The following MYCBP2 variants were observed in gnomAD, a reference collection of about 807,000 sequenced individuals.
MYCBP2 encodes E3 ubiquitin-protein ligase MYCBP2.
In MYCBP2, 120 loss-of-function variants were observed where a neutral mutation model predicts 525.3. The ratio of observed to expected loss-of-function variants is 0.23; its 90% CI spans 0.20 to 0.27. The LOEUF is 0.27. Ranked by LOEUF, MYCBP2 falls within the 10% of genes least tolerant of loss-of-function variation. MYCBP2 has a pLI of 1.00. For missense variants in MYCBP2, 4,149 were observed against 5,657.1 expected, an observed-to-expected ratio of 0.73 and a Z score of 8.55; for synonymous variants, 1,894 against 1,955.8, an observed-to-expected ratio of 0.97 and a Z score of 0.83.
intron 15 of MYCBP2, among the ~76,000 whole-genome samples, chr13:77,244,723 C>G (rs150393139): frequency 0.029 from 4,490 of 152,268 alleles, 94 homozygotes; most frequent in East Asian, 0.052. Context: ...TCAGAGTGAA[C>G]AGGCAACCTA....
intron 62 of MYCBP2, among the ~76,000 whole-genome samples, chr13:77,086,977 C>T (rs553455159): frequency 6.6e-6 from 1 of 152,064 alleles, no homozygotes; most frequent in Non-Finnish European, 1.5e-5. Flanking sequence ...AGCATATTAA[C>T]ACATTATTCT....
chr13:77,221,612 G>T (rs1042917186), intron 20 of MYCBP2, among the ~76,000 whole-genome samples: 6 of 152,028 alleles, frequency 3.9e-5, no homozygotes, highest in Admixed American at 3.3e-4. Flanking sequence ...CTGCATACAT[G>T]ACTGAGACCC....
intron 38 of MYCBP2, among the ~76,000 whole-genome samples, chr13:77,170,996 G>A (rs2059088300): frequency 6.6e-6 from 1 of 152,164 alleles, no homozygotes; most frequent in Admixed American, 6.5e-5. Flanking sequence ...ATTAAAAAAT[G>A]AAATGTACTT....
rs541231440 is a variant in MYCBP2, at chr13:77,153,019, C to A, written c.6916-2070G>T. On this transcript the variant is annotated intron_variant, in intron 46 of 82. Transcript: ENST00000544440. ...AGCGGAGCTTGCAGTGAGCTGAAAT[C>A]GTGCCACTGTACTCCAGCCTGGGCG... is the stretch of plus-strand genomic sequence containing the variant. Among the ~76,000 whole-genome samples, 38 of 140,528 alleles carry A rather than the reference C, an allele frequency of 2.7e-4. 1 individual carries two copies. In the East Asian group the frequency reaches 4.6e-3, roughly 17 times the overall value. 92.2% of individuals were successfully genotyped at this position (140,528 alleles called of 152,430 possible).
chr13:77,171,588 T>C lies in MYCBP2; in HGVS notation c.5698A>G (p.Asn1900Asp). 2 of 1,614,136 alleles carry C rather than the reference T, an allele frequency of 1.2e-6. No homozygotes were observed. The highest frequency in any genetic ancestry group is 1.7e-6 in the Non-Finnish European group (2 of 1,179,982). ...DLQSQLLSKA[N>D]EEDKNCSRAL... is the part of the protein sequence containing the mutation. ...CTGCTACAGTTTTTATCTTCTTCAT[T>C]GGCTTTACTCAGAAGTTGGGATTGT... Residue 1900 changes from asparagine to aspartate, a missense_variant, in exon 38 of 83, where the codon AAT becomes GAT. Physicochemically the swap from Asn to Asp is conservative, Grantham distance 23. Coordinates refer to ENST00000544440, the MANE Select transcript of MYCBP2 (RefSeq NM_015057.5).
In MYCBP2 at chr13:77,176,216, G is replaced by A. The variant is rs563717157; in HGVS notation, c.5472+281C>T. On this transcript the variant is annotated intron_variant, in intron 36 of 82. Coordinates refer to ENST00000544440, the MANE Select transcript of MYCBP2 (RefSeq NM_015057.5). ...AGTGGTTAAATAATGATCTGCCAGT[G>A]TCTTAAAGTCAGCATGTGGAACAGC... 5.9e-5 allele frequency among the ~76,000 whole-genome samples: 9 copies of A among 152,162 alleles called. No individual in the cohort carries two copies. In the East Asian group the frequency reaches 1.7e-3, roughly 29 times the overall value.
chr13:77,066,368 G>C (rs2040198730), intron 71 of MYCBP2, among the ~76,000 whole-genome samples: 1 of 152,112 alleles, frequency 6.6e-6, no homozygotes, highest in African/African-American at 2.4e-5. Context: ...TTATTTCTAG[G>C]GCACATGCGG....
intron 49 of MYCBP2, 26 bp from the exon 50 acceptor site, chr13:77,140,969 A>G (rs994288587): frequency 2.0e-6 from 3 of 1,504,492 alleles, no homozygotes; most frequent in Non-Finnish European, 2.7e-6. Context: ...GAGAACTGTA[A>G]CATTTGAGAA....
At chr13:77,112,684 C>A (rs967539460) in intron 55 of MYCBP2, among the ~76,000 whole-genome samples, 6 of 152,116 alleles carry the variant, frequency 3.9e-5, no homozygotes, top group African/African-American at 1.4e-4. Context: ...AGCCATCCTT[C>A]TACCTTGGCC....
At chr13:77,088,581 T>A (rs1432423370) in intron 61 of MYCBP2, among the ~76,000 whole-genome samples, 1 of 152,160 alleles carries the variant, frequency 6.6e-6, no homozygotes, top group Non-Finnish European at 1.5e-5. Context: ...AAAAAAAAGA[T>A]AATCTCAAGA....
chr13:77,079,638 T>C (rs1396892223), intron 65 of MYCBP2, among the ~76,000 whole-genome samples: 2 of 152,136 alleles, frequency 1.3e-5, no homozygotes, highest in African/African-American at 4.8e-5. Flanking sequence ...TACATACAGG[T>C]TGAGTATCCT....
chr13:77,087,107 T>G (rs1407061406), intron 62 of MYCBP2, among the ~76,000 whole-genome samples: 1 of 152,204 alleles, frequency 6.6e-6, no homozygotes, highest in East Asian at 1.9e-4. Context: ...ATGATAATGT[T>G]GCTTGATATC....
At chr13:77,226,681 C>CT (rs980026779) in intron 18 of MYCBP2, among the ~76,000 whole-genome samples, 2 of 152,092 alleles carry the variant, frequency 1.3e-5, no homozygotes, top group African/African-American at 2.4e-5. Context: ...TGTGTTTATT[C>CT]TTTTTTTACC....
At chr13:77,273,850 G>C (rs946887557) in intron 4 of MYCBP2, among the ~76,000 whole-genome samples, 182 bp from the exon 5 acceptor site, 1 of 151,990 alleles carries the variant, frequency 6.6e-6, no homozygotes, top group South Asian at 2.1e-4. Context: ...TGTAACAAGG[G>C]TCTTAAAGAA....
chr13:77,236,272 A>C (rs186631116), intron 17 of MYCBP2, among the ~76,000 whole-genome samples: 1 of 152,270 alleles, frequency 6.6e-6, no homozygotes, highest in African/African-American at 2.4e-5. Context: ...GAGTGAGTAA[A>C]ATAGGGGTAT....
At chr13:77,295,601 T>C (rs950753914) in intron 2 of MYCBP2, among the ~76,000 whole-genome samples, 2 of 152,240 alleles carry the variant, frequency 1.3e-5, no homozygotes, top group Non-Finnish European at 2.9e-5. Context: ...ATTGCCTCTA[T>C]AGTTGCTATA....
chr13:77,294,695 T>A (rs1170596996), intron 2 of MYCBP2, among the ~76,000 whole-genome samples: 1 of 152,250 alleles, frequency 6.6e-6, no homozygotes, highest in East Asian at 1.9e-4. Context: ...GAGGTTGGAA[T>A]GACTGTATTT....
At chr13:77,059,774 G>A (rs1212766679) in intron 76 of MYCBP2, 148 bp from the exon 77 acceptor site, 10 of 591,196 alleles carry the variant, frequency 1.7e-5, no homozygotes, top group Non-Finnish European at 2.7e-5. Context: ...AGGTTTCTAA[G>A]TTGTCCTAAT....
At chr13:77,312,401 TG>T (rs1350135392) in intron 1 of MYCBP2, among the ~76,000 whole-genome samples, 1 of 152,068 alleles carries the variant, frequency 6.6e-6, no homozygotes, top group East Asian at 1.9e-4. Flanking sequence ...TGTTTGGTGA[TG>T]TTTGCCAAGT....
Sources: gnomAD v4.1 joint callset for allele counts (sites outside exome capture counted in the v4.1 genomes callset) on GRCh38, gnomAD v4.1.1 for gene constraint, MANE v1.5 for transcripts, NCBI Gene and HGNC (gene_info 2026-07-23, HGNC 2026-07-21) for gene names.